Variants in AGMO observed in about 807,000 individuals in gnomAD.
AGMO encodes alkylglycerol monooxygenase.
AGMO carries 75 observed loss-of-function variants against 60.2 expected under a neutral mutation model. The observed-to-expected ratio is 1.25, with a 90% CI of 1.03 to 1.51. AGMO has a LOEUF of 1.51. AGMO is among the 40% of genes most tolerant of loss of function. AGMO has a pLI of 0.00. For synonymous variants in AGMO, 261 were observed against 177.1 expected, an observed-to-expected ratio of 1.47 and a Z score of -3.76; for missense variants, 763 against 525.5, an observed-to-expected ratio of 1.45 and a Z score of -4.42.
At chr7:15,331,185 T>C (rs956663636) in intron 12 of AGMO, among the ~76,000 whole-genome samples, 2 of 152,190 alleles carry the variant, frequency 1.3e-5, no homozygotes, top group African/African-American at 4.8e-5. Flanking sequence ...AGCCTTTAAA[T>C]GACTTCGTCC....
chr7:15,349,699 C>T (rs1025369298), intron 12 of AGMO, among the ~76,000 whole-genome samples: 11 of 152,124 alleles, frequency 7.2e-5, no homozygotes, highest in Non-Finnish European at 1.6e-4. Flanking sequence ...ACTCACAGTT[C>T]TGCATGGCTG....
intron 3 of AGMO, among the ~76,000 whole-genome samples, chr7:15,476,594 C>CT (rs1782599439): frequency 6.6e-6 from 1 of 151,496 alleles, no homozygotes; most frequent in Non-Finnish European, 1.5e-5. Context: ...TCTTTTTTTT[C>CT]TTTTTCTTTA....
chr7:15,277,848 G>C (rs1256480579), intron 12 of AGMO, among the ~76,000 whole-genome samples: 1 of 152,178 alleles, frequency 6.6e-6, no homozygotes, highest in South Asian at 2.1e-4. Context: ...GTCAGGCACA[G>C]CTGGCTAAAG....
chr7:15,239,459 T>A (rs1030113562), intron 12 of AGMO, among the ~76,000 whole-genome samples: 18 of 152,076 alleles, frequency 1.2e-4, no homozygotes, highest in African/African-American at 4.1e-4. Context: ...ATGGAATAAT[T>A]AAGTCATGTT....
chr7:15,340,851 T>C (rs759053553), intron 12 of AGMO, among the ~76,000 whole-genome samples: 19 of 152,264 alleles, frequency 1.2e-4, no homozygotes, highest in Non-Finnish European at 1.9e-4. Context: ...CACTGGGCAC[T>C]GCCTAGTGGA....
chr7:15,354,931 G>A (rs1403440519), intron 12 of AGMO, among the ~76,000 whole-genome samples: 2 of 151,872 alleles, frequency 1.3e-5, no homozygotes, highest in African/African-American at 4.8e-5. Context: ...GCATATAAAA[G>A]GGATACAATC....
chr7:15,234,120 T>C (rs1332782562), intron 12 of AGMO, among the ~76,000 whole-genome samples: 1 of 152,194 alleles, frequency 6.6e-6, no homozygotes, highest in East Asian at 1.9e-4. Context: ...GAAACTTCAC[T>C]ACTGACTACA....
intron 12 of AGMO, among the ~76,000 whole-genome samples, chr7:15,349,032 G>A (rs922742552): frequency 6.6e-6 from 1 of 152,072 alleles, no homozygotes; most frequent in South Asian, 2.1e-4. Context: ...ATTTCTATGA[G>A]TGACACCTCA....
intron 12 of AGMO, among the ~76,000 whole-genome samples, chr7:15,240,903 T>C (rs1382115973): frequency 1.3e-5 from 2 of 152,216 alleles, no homozygotes; most frequent in Non-Finnish European, 2.9e-5. Flanking sequence ...GTGGAGTTAA[T>C]TCATTTCCTT....
intron 2 of AGMO, among the ~76,000 whole-genome samples, chr7:15,546,667 G>C (rs1784790271): frequency 6.6e-6 from 1 of 152,220 alleles, no homozygotes; most frequent in Non-Finnish European, 1.5e-5. Flanking sequence ...GGCAGGACAA[G>C]CCATGAGGCC....
chr7:15,356,613 TCA>T (rs2128557020), intron 12 of AGMO, among the ~76,000 whole-genome samples: 1 of 152,158 alleles, frequency 6.6e-6, no homozygotes, highest in East Asian at 1.9e-4. Context: ...ATGAGTGGTA[TCA>T]CACAGACAGC....
chr7:15,265,972 G>A (rs1311536056), intron 12 of AGMO, among the ~76,000 whole-genome samples: 2 of 152,062 alleles, frequency 1.3e-5, no homozygotes, highest in Non-Finnish European at 1.5e-5. Flanking sequence ...ACATTCTGAT[G>A]TATGCTACAA....
chr7:15,483,446 G>C (rs1782817664), intron 3 of AGMO, among the ~76,000 whole-genome samples: 1 of 152,098 alleles, frequency 6.6e-6, no homozygotes, highest in South Asian at 2.1e-4. Context: ...GGCGCCTGCA[G>C]TCCCAGCTAC....
intron 3 of AGMO, among the ~76,000 whole-genome samples, chr7:15,436,607 A>G (rs1243355068): frequency 6.6e-6 from 1 of 152,212 alleles, no homozygotes; most frequent in East Asian, 1.9e-4. Context: ...TCTAGAAATT[A>G]CTTAATCCAA....
the AGMO span, among the ~76,000 whole-genome samples, chr7:15,191,451 G>A: frequency 1.1e-4 from 17 of 152,166 alleles, no homozygotes; most frequent in African/African-American, 3.9e-4. Flanking sequence ...AGTAACAGGT[G>A]TTTTGATGCA....
intron 5 of AGMO, among the ~76,000 whole-genome samples, chr7:15,395,189 T>C (rs540528688): frequency 5.9e-5 from 9 of 152,332 alleles, no homozygotes; most frequent in Non-Finnish European, 1.3e-4. Flanking sequence ...AAGACATGAC[T>C]CACTTTTAGG....
intron 12 of AGMO, among the ~76,000 whole-genome samples, chr7:15,322,725 T>TATATATAAATAA: frequency 1.4e-5 from 1 of 72,800 alleles, no homozygotes; most frequent in Non-Finnish European, 2.3e-5. Context: ...AATATATAAA[T>TATATATAAATAA]ATATATATAA....
chr7:15,144,485 A>G, the AGMO span, among the ~76,000 whole-genome samples: 3 of 152,240 alleles, frequency 2.0e-5, no homozygotes, highest in Non-Finnish European at 4.4e-5. Flanking sequence ...TGAGAAAAAT[A>G]AGTCAAAAAA....
intron 12 of AGMO, among the ~76,000 whole-genome samples, chr7:15,259,983 C>A (rs111817119): frequency 7.9e-6 from 1 of 126,822 alleles, no homozygotes; most frequent in African/African-American, 2.9e-5. Flanking sequence ...AACCTCCTTA[C>A]AGTATAAATC....
Sources: gnomAD v4.1 joint callset for allele counts (sites outside exome capture counted in the v4.1 genomes callset) on GRCh38, gnomAD v4.1.1 for gene constraint, MANE v1.5 for transcripts, NCBI Gene and HGNC (gene_info 2026-07-23, HGNC 2026-07-21) for gene names.